STPG2: variants seen among roughly 807,000 people sequenced by gnomAD.
STPG2 encodes the protein sperm tail PG-rich repeat containing 2.
STPG2 carries 56 observed loss-of-function variants against 54.2 expected under a neutral mutation model. The observed-to-expected ratio is 1.03, with a 90% CI of 0.83 to 1.29. The LOEUF is 1.29. Among genes scored for constraint, STPG2 ranks in the 50% most tolerant of loss-of-function variants. The probability of loss-of-function intolerance (pLI) is 0.00; values close to 1 mark genes in which losing one functional copy is unlikely to be tolerated. For missense variants in STPG2, 596 were observed against 544.9 expected (o/e 1.09, Z -0.93); for synonymous variants, 200 against 181.8 (o/e 1.10, Z -0.81).
chr4:97,545,640 T>A (rs972884675), intron 4 of STPG2, among the ~76,000 whole-genome samples: 1 of 152,046 alleles, frequency 6.6e-6, no homozygotes, highest in Non-Finnish European at 1.5e-5. Flanking sequence ...ATTCAATACT[T>A]TCGTTAATGA....
intron 9 of STPG2, among the ~76,000 whole-genome samples, chr4:97,767,056 G>A (rs1726076954): frequency 6.6e-6 from 1 of 151,648 alleles, no homozygotes; most frequent in Non-Finnish European, 1.5e-5. Context: ...AGCAACACAA[G>A]CAATTTTTGA....
At chr4:98,016,695 T>C (rs1343899884) in intron 5 of STPG2, among the ~76,000 whole-genome samples, 3 of 152,220 alleles carry the variant, frequency 2.0e-5, no homozygotes, top group Non-Finnish European at 4.4e-5. Flanking sequence ...CCATCTGTGT[T>C]CTCTTGTAGC....
chr4:97,910,479 G>GTACC (rs1433079671), intron 8 of STPG2, among the ~76,000 whole-genome samples: 2 of 152,148 alleles, frequency 1.3e-5, no homozygotes, highest in Non-Finnish European at 2.9e-5. Context: ...AGTCCACTGG[G>GTACC]TACCATATAA....
At chr4:97,562,564 T>G (rs549543751) in intron 10 of STPG2, among the ~76,000 whole-genome samples, 31 of 152,310 alleles carry the variant, frequency 2.0e-4, no homozygotes, top group African/African-American at 6.5e-4. Flanking sequence ...TTCAGTATGA[T>G]ATTGGCTGTG....
chr4:97,639,731 A>T (rs1238785312), intron 10 of STPG2, among the ~76,000 whole-genome samples: 1 of 152,150 alleles, frequency 6.6e-6, no homozygotes, highest in African/African-American at 2.4e-5. Flanking sequence ...CGAATTTGGG[A>T]AAACATGCGT....
chr4:98,008,882 T>A (rs1024225673), intron 5 of STPG2, among the ~76,000 whole-genome samples: 2 of 152,220 alleles, frequency 1.3e-5, no homozygotes, highest in South Asian at 4.1e-4. Context: ...AAGTTGTATA[T>A]TCCAGGAAGC....
rs539065537 is a variant in STPG2 at position 97,991,046 on chromosome 4, T to G, written c.613-9728A>C. Among the ~76,000 whole-genome samples the G allele has an allele frequency of 2.0e-5, 3 of 152,142 alleles. No individual in the cohort carries two copies. In the East Asian group the frequency reaches 5.8e-4, roughly 30 times the overall value. On this transcript the variant is annotated intron_variant, in intron 5 of 10. Transcript: ENST00000295268. Reference sequence around the variant, plus strand: ...AGTGTACACTGTACCCAAAGTGTATTCTTTTATCCCTCACCTCCATCCCAC... The same window carrying G: ...AGTGTACACTGTACCCAAAGTGTATGCTTTTATCCCTCACCTCCATCCCAC...
intron 10 of STPG2, among the ~76,000 whole-genome samples, chr4:97,686,338 C>T (rs79599820): frequency 1.3e-5 from 2 of 152,084 alleles, no homozygotes; most frequent in African/African-American, 4.8e-5. Context: ...GCCCCACACC[C>T]GTAGGAAACT....
At chr4:97,586,149 A>G (rs190703948) in intron 10 of STPG2, among the ~76,000 whole-genome samples, 109 of 152,036 alleles carry the variant, frequency 7.2e-4, no homozygotes, top group Middle Eastern at 6.8e-3. Context: ...AAAAGAAACA[A>G]ATGGAAATTA....
At chr4:98,120,054 G>T (rs573291545) in intron 3 of STPG2, among the ~76,000 whole-genome samples, 14 of 152,122 alleles carry the variant, frequency 9.2e-5, no homozygotes, top group East Asian at 1.9e-4. Context: ...GTGCTGGAAT[G>T]AACATATTCA....
intron 4 of STPG2, among the ~76,000 whole-genome samples, chr4:97,527,085 G>A (rs190693751): frequency 4.0e-5 from 6 of 151,780 alleles, no homozygotes; most frequent in Admixed American, 1.3e-4. Context: ...ATGCCATGGC[G>A]GTTTGCTGCA....
At chr4:97,706,639 C>T (rs1341548772) in intron 10 of STPG2, among the ~76,000 whole-genome samples, 1 of 152,112 alleles carries the variant, frequency 6.6e-6, no homozygotes, top group Admixed American at 6.6e-5. Flanking sequence ...GAAAACCCAA[C>T]TTGGGGCAGG....
intron 8 of STPG2, among the ~76,000 whole-genome samples, chr4:97,903,259 T>C (rs1007943684): frequency 2.0e-5 from 3 of 152,164 alleles, no homozygotes; most frequent in Non-Finnish European, 4.4e-5. Flanking sequence ...ATAATGGATA[T>C]GATAATATGA....
At chr4:98,101,864 T>TCC (rs140638030) in intron 5 of STPG2, among the ~76,000 whole-genome samples, 5 of 143,880 alleles carry the variant, frequency 3.5e-5, no homozygotes, top group East Asian at 4.0e-4. Flanking sequence ...TTTCATTATC[T>TCC]TCCCCCTCCC....
At chr4:97,749,852 T>G (rs1246053016) in intron 9 of STPG2, among the ~76,000 whole-genome samples, 26 of 151,806 alleles carry the variant, frequency 1.7e-4, no homozygotes, top group Admixed American at 1.4e-3. Context: ...ACTTGTGAAA[T>G]TTTGAATTAT....
chr4:97,905,220 C>A (rs1731357864), intron 8 of STPG2, among the ~76,000 whole-genome samples: 1 of 151,902 alleles, frequency 6.6e-6, no homozygotes, highest in Admixed American at 6.6e-5. Flanking sequence ...GGTCGGGTTA[C>A]CCTCAAAGGG....
intron 4 of STPG2, among the ~76,000 whole-genome samples, chr4:97,486,845 A>ATATATATATGTATG (rs758834350): frequency 6.0e-4 from 82 of 137,124 alleles, no homozygotes; most frequent in African/African-American, 2.3e-3. Flanking sequence ...ATATATATAT[A>ATATATATATGTATG]TATGTATGTA....
rs576021564 is a variant in STPG2, at chr4:97,966,613, C to T, written c.933+5667G>A. 2.0e-5 allele frequency among the ~76,000 whole-genome samples: 3 copies of T among 152,192 alleles called. No homozygotes were observed. The South Asian group carries it at 6.2e-4, about 32-fold the overall frequency. ...TGAAATGAAGAAAAAATGTTAAGGG[C>T]AGCCAGAGAGAAAGGTCGGGTTACC... On this transcript the variant is annotated intron_variant, in intron 7 of 10. Transcript: ENST00000295268.
At chr4:97,805,564 T>C (rs1298904955) in intron 9 of STPG2, among the ~76,000 whole-genome samples, 1 of 152,206 alleles carries the variant, frequency 6.6e-6, no homozygotes, top group African/African-American at 2.4e-5. Context: ...ATTGTATGTC[T>C]TCTTTAGAGA....
Sources: gnomAD v4.1 joint callset for allele counts (sites outside exome capture counted in the v4.1 genomes callset) on GRCh38, gnomAD v4.1.1 for gene constraint, MANE v1.5 for transcripts, NCBI Gene and HGNC (gene_info 2026-07-23, HGNC 2026-07-21) for gene names.